TRAF3: variants seen among roughly 807,000 people sequenced by gnomAD.
TRAF3 encodes the protein TNF receptor associated factor 3, also known as TNF receptor-associated factor 3.
A neutral mutation model predicts 62.3 loss-of-function variants in TRAF3; 13 were observed. That is an observed-to-expected ratio of 0.21 (90% CI 0.14 to 0.33). The LOEUF (loss-of-function observed/expected upper bound fraction) is 0.33, where lower values mean the gene tolerates loss of function less well. Among genes scored for constraint, TRAF3 ranks in the 10% least tolerant of loss-of-function variants. The pLI, the probability that TRAF3 is intolerant of heterozygous loss-of-function variation, is 1.00. For missense variants in TRAF3, 440 were observed against 741.8 expected, an observed-to-expected ratio of 0.59 and a Z score of 4.73; for synonymous variants, 269 against 283.4, an observed-to-expected ratio of 0.95 and a Z score of 0.51.
intron 9 of TRAF3, among the ~76,000 whole-genome samples, chr14:102,892,357 C>T (rs1208750717): frequency 6.6e-6 from 1 of 152,168 alleles, no homozygotes; most frequent in African/African-American, 2.4e-5. Context: ...CACGCCCAGC[C>T]TCCATGCTGT....
chr14:102,895,376 C>T (rs1055869483), intron 9 of TRAF3, among the ~76,000 whole-genome samples: 5 of 152,232 alleles, frequency 3.3e-5, no homozygotes, highest in African/African-American at 1.2e-4. Context: ...CAAAAGATGT[C>T]TCTTGACTTG....
At chr14:102,859,056 A>AC in intron 2 of TRAF3, among the ~76,000 whole-genome samples, 1 of 152,162 alleles carries the variant, frequency 6.6e-6, no homozygotes. Context: ...ACTGTATCAT[A>AC]CCCCTTTAAC....
chr14:102,820,972 G>T (rs1226437302), intron 1 of TRAF3, among the ~76,000 whole-genome samples: 1 of 151,912 alleles, frequency 6.6e-6, no homozygotes, highest in African/African-American at 2.4e-5. Context: ...TGCCAAGCCT[G>T]CAGGGAAGTC....
At chr14:102,782,140 T>C (rs1897298422) in intron 1 of TRAF3, among the ~76,000 whole-genome samples, 1 of 152,042 alleles carries the variant, frequency 6.6e-6, no homozygotes, top group African/African-American at 2.4e-5. Context: ...GGTTTCGCCA[T>C]GTTGGCCAGA....
chr14:102,866,385 G>A (rs1862056230), intron 2 of TRAF3, among the ~76,000 whole-genome samples: 1 of 152,072 alleles, frequency 6.6e-6, no homozygotes, highest in East Asian at 1.9e-4. Context: ...TGCATGTACT[G>A]CACATGTATC....
chr14:102,817,526 A>G (rs955109128), intron 1 of TRAF3, among the ~76,000 whole-genome samples: 1 of 152,100 alleles, frequency 6.6e-6, no homozygotes, highest in African/African-American at 2.4e-5. Context: ...GACCTTGCCC[A>G]TGGGATCTGG....
intron 1 of TRAF3, among the ~76,000 whole-genome samples, chr14:102,814,913 G>A (rs908958088): frequency 6.6e-6 from 1 of 152,086 alleles, no homozygotes; most frequent in Non-Finnish European, 1.5e-5. Context: ...TTGGCTTATT[G>A]TGCTTTTGGT....
intron 1 of TRAF3, among the ~76,000 whole-genome samples, chr14:102,795,029 T>C (rs1293094439): frequency 1.3e-5 from 2 of 152,212 alleles, no homozygotes; most frequent in Admixed American, 6.5e-5. Flanking sequence ...AAAAGCTTCA[T>C]TGAGAAAATA....
intron 2 of TRAF3, among the ~76,000 whole-genome samples, chr14:102,850,554 C>T (rs1398939652): frequency 6.6e-6 from 1 of 151,922 alleles, no homozygotes; most frequent in Non-Finnish European, 1.5e-5. Context: ...AATAGTTGGG[C>T]ATGGTGGCAC....
intron 2 of TRAF3, among the ~76,000 whole-genome samples, chr14:102,844,924 G>A (rs1595356195): frequency 1.3e-5 from 2 of 151,900 alleles, no homozygotes; most frequent in East Asian, 3.9e-4. Context: ...TTGAGACGGA[G>A]TCTCGCACTG....
In TRAF3 at chr14:102,905,932, C is replaced by A; in HGVS notation, c.*148C>A. ...GCGGACGCGTGCCGGCGGGAGGAGCCACGCGTGAGCACACCTGACACGTTT... is the reference window on the plus strand; with the variant it reads ...GCGGACGCGTGCCGGCGGGAGGAGCAACGCGTGAGCACACCTGACACGTTT... On this transcript the variant is annotated 3_prime_UTR_variant, in exon 12 of 12. Coordinates refer to ENST00000392745, the MANE Select transcript of TRAF3 (RefSeq NM_145725.3). The A allele has an allele frequency of 1.6e-6, 1 of 636,278 alleles. No individual in the cohort carries two copies. The highest frequency in any genetic ancestry group is 2.0e-5 in the South Asian group (1 of 50,542). 39.4% of individuals were successfully genotyped at this position (636,278 alleles called of 1,614,324 possible).
intron 9 of TRAF3, among the ~76,000 whole-genome samples, chr14:102,894,560 T>A (rs973948755): frequency 2.6e-4 from 40 of 152,250 alleles, no homozygotes; most frequent in African/African-American, 9.6e-4. Flanking sequence ...CCTGTGCCTA[T>A]GGCATCTCCC....
chr14:102,792,432 A>ATTT (rs35496572), intron 1 of TRAF3, among the ~76,000 whole-genome samples: 5 of 122,724 alleles, frequency 4.1e-5, no homozygotes, highest in African/African-American at 1.6e-4. Context: ...CAGTTAATTG[A>ATTT]TTTTTTTTTT....
chr14:102,778,131 A>G (rs1263476018), intron 1 of TRAF3, among the ~76,000 whole-genome samples: 2 of 149,684 alleles, frequency 1.3e-5, no homozygotes, highest in Non-Finnish European at 3.0e-5. Context: ...GCGTTATTGG[A>G]AAGTTGGTCC....
intron 2 of TRAF3, among the ~76,000 whole-genome samples, chr14:102,837,009 G>A (rs111244659): frequency 1.1e-4 from 17 of 152,062 alleles, no homozygotes; most frequent in African/African-American, 4.1e-4. Context: ...TTCTCCCCTT[G>A]CTCTTTCCTC....
chr14:102,819,767 A>G (rs1899777003), intron 1 of TRAF3, among the ~76,000 whole-genome samples: 1 of 152,254 alleles, frequency 6.6e-6, no homozygotes, highest in Admixed American at 6.5e-5. Flanking sequence ...GCAGCACCAT[A>G]TAATCAAGCA....
chr14:102,854,339 A>G (rs1006838584), intron 2 of TRAF3, among the ~76,000 whole-genome samples: 10 of 152,158 alleles, frequency 6.6e-5, no homozygotes, highest in Non-Finnish European at 1.3e-4. Flanking sequence ...TCTGTGTTTA[A>G]CTTTTGGAGG....
At chr14:102,788,570 C>T (rs377414649) in intron 1 of TRAF3, among the ~76,000 whole-genome samples, 1 of 152,044 alleles carries the variant, frequency 6.6e-6, no homozygotes, top group African/African-American at 2.4e-5. Context: ...GAGGCTGAGG[C>T]GGGCGGATCA....
intron 2 of TRAF3, among the ~76,000 whole-genome samples, chr14:102,864,990 C>T (rs1258503071): frequency 2.0e-5 from 3 of 152,202 alleles, no homozygotes; most frequent in Non-Finnish European, 2.9e-5. Context: ...CTCCTTTGCT[C>T]AGGACAGGAC....
Sources: gnomAD v4.1 joint callset for allele counts (sites outside exome capture counted in the v4.1 genomes callset) on GRCh38, gnomAD v4.1.1 for gene constraint, MANE v1.5 for transcripts, NCBI Gene and HGNC (gene_info 2026-07-23, HGNC 2026-07-21) for gene names.